The following ZNF521 variants were observed in gnomAD, a reference collection of about 807,000 sequenced individuals.
ZNF521 encodes zinc finger protein 521.
A neutral mutation model predicts 105.5 loss-of-function variants in ZNF521; 14 were observed. That is an observed-to-expected ratio of 0.13 (90% CI 0.09 to 0.21). ZNF521 has a LOEUF of 0.21. ZNF521 is among the 10% of genes least tolerant of loss of function. The probability of loss-of-function intolerance (pLI) is 1.00; values close to 1 mark genes in which losing one functional copy is unlikely to be tolerated. For synonymous variants in ZNF521, 635 were observed against 606.0 expected (o/e 1.05, Z -0.70); for missense variants, 1,233 against 1,629.7 (o/e 0.76, Z 4.19).
intron 2 of ZNF521, among the ~76,000 whole-genome samples, chr18:25,329,433 G>A (rs758206428): frequency 1.4e-4 from 21 of 152,198 alleles, no homozygotes; most frequent in South Asian, 4.1e-4. Flanking sequence ...ATCGGGGCAG[G>A]GAAATTTTAT....
chr18:25,217,231 A>C (rs775616893), intron 4 of ZNF521, among the ~76,000 whole-genome samples: 19 of 152,206 alleles, frequency 1.2e-4, no homozygotes, highest in Non-Finnish European at 8.8e-5. Context: ...AGTAGGCAGA[A>C]GATGAAGGAG....
intron 7 of ZNF521, among the ~76,000 whole-genome samples, chr18:25,074,128 G>C (rs989273030): frequency 2.8e-4 from 42 of 152,160 alleles, no homozygotes; most frequent in African/African-American, 1.0e-3. Flanking sequence ...CCATTTCCAC[G>C]CCTAAGCGAG....
chr18:25,188,199 T>C (rs2144613994), intron 5 of ZNF521, among the ~76,000 whole-genome samples: 2 of 152,254 alleles, frequency 1.3e-5, no homozygotes, highest in South Asian at 4.2e-4. Flanking sequence ...ACAGGCGCCA[T>C]CCTGAGAGCT....
At chr18:25,327,528 C>A in intron 2 of ZNF521, 1 of 731,182 alleles carries the variant, frequency 1.4e-6, no homozygotes, top group African/African-American at 1.8e-5. Context: ...TGTTCAAATC[C>A]TAATCCCTGA....
At chr18:25,176,735 A>G (rs1257578544) in intron 5 of ZNF521, among the ~76,000 whole-genome samples, 2 of 152,206 alleles carry the variant, frequency 1.3e-5, no homozygotes, top group African/African-American at 2.4e-5. Flanking sequence ...GCGTAGTGCA[A>G]CAGATTACAC....
chr18:25,102,421 C>T (rs1427641344), intron 5 of ZNF521, among the ~76,000 whole-genome samples: 2 of 151,776 alleles, frequency 1.3e-5, no homozygotes, highest in South Asian at 4.2e-4. Flanking sequence ...GTACATTTGG[C>T]TGAACACTGG....
At chr18:25,280,393 A>G (rs151316622) in intron 3 of ZNF521, among the ~76,000 whole-genome samples, 76 of 152,084 alleles carry the variant, frequency 5.0e-4, no homozygotes, top group African/African-American at 1.8e-3. Flanking sequence ...TTTGGTTTTC[A>G]TCAGGATTGG....
chr18:25,133,958 G>A (rs2034686192), intron 5 of ZNF521, among the ~76,000 whole-genome samples: 1 of 152,086 alleles, frequency 6.6e-6, no homozygotes, highest in Admixed American at 6.6e-5. Context: ...AATTTTAACA[G>A]GAACAGATCC....
At chr18:25,321,797 T>C (rs1912945528) in intron 3 of ZNF521, among the ~76,000 whole-genome samples, 1 of 152,226 alleles carries the variant, frequency 6.6e-6, no homozygotes, top group African/African-American at 2.4e-5. Context: ...GCTATTGACA[T>C]TTAGGTGCAT....
At chr18:25,119,153 C>T (rs1242129432) in intron 5 of ZNF521, among the ~76,000 whole-genome samples, 1 of 151,982 alleles carries the variant, frequency 6.6e-6, no homozygotes, top group Non-Finnish European at 1.5e-5. Flanking sequence ...ATAATCTTAA[C>T]AATTATGGAT....
intron 7 of ZNF521, among the ~76,000 whole-genome samples, chr18:25,069,988 C>T (rs891566374): frequency 1.3e-5 from 2 of 152,142 alleles, no homozygotes; most frequent in Non-Finnish European, 2.9e-5. Context: ...AACACTGATG[C>T]ATTTTCTTTT....
chr18:25,334,681 T>C (rs1349958777), intron 2 of ZNF521, among the ~76,000 whole-genome samples: 2 of 152,190 alleles, frequency 1.3e-5, no homozygotes, highest in Non-Finnish European at 2.9e-5. Flanking sequence ...ACAATTCCTC[T>C]TAGGCTTTCT....
rs553401367 is a variant in ZNF521, at chr18:25,226,728, G to C, written c.1190C>G (p.Ser397Trp). 1 of 1,614,054 alleles carries C rather than the reference G, an allele frequency of 6.2e-7. No homozygotes were observed. Among genetic ancestry groups the C allele is most frequent in the Non-Finnish European group, 8.5e-7 (1 of 1,180,028 alleles). ...AQQTPDMTGP[S>W]SKQAKVTYSC... ...GTAGGTAACTTTTGCTTGTTTACTC[G>C]AGGGACCAGTCATGTCAGGGGTTTG... The change falls in exon 4 of 8, where the codon TCG (serine) becomes TGG (tryptophan). Residue 397 changes from serine to tryptophan, a missense_variant. Ser to Trp is a radical substitution (Grantham distance 177). Around this residue, in one of 6 missense-constraint regions of ZNF521, gnomAD observed 380 missense variants for 478.0 expected, o/e 0.80. Coordinates refer to ENST00000361524, the MANE Select transcript of ZNF521 (RefSeq NM_015461.3). This position sits in a 1 kb window ranked among gnomAD's most constrained non-coding sequence, Gnocchi z 4.1.
At chr18:25,239,081 A>G (rs1379846230) in intron 3 of ZNF521, among the ~76,000 whole-genome samples, 1 of 152,128 alleles carries the variant, frequency 6.6e-6, no homozygotes, top group Non-Finnish European at 1.5e-5. Flanking sequence ...CAAAGACCAA[A>G]TTGAATCCCA....
chr18:25,226,006 G>T lies in ZNF521; in HGVS notation c.1912C>A (p.Gln638Lys). 6.2e-7 allele frequency: 1 copy of T among 1,614,180 alleles called. No homozygotes were observed. Among genetic ancestry groups the T allele is most frequent in the Non-Finnish European group, 8.5e-7 (1 of 1,180,030 alleles). ...ARPTGEYICN[Q>K]CGAKYTSLDS... The stretch of plus-strand genomic sequence containing the variant: ...AGGGATGTGTACTTAGCACCACATT[G>T]ATTACAGATATATTCTCCAGTGGGA... Residue 638 changes from glutamine to lysine, a missense_variant, in exon 4 of 8, where the codon CAA becomes AAA. By Grantham distance (53) the Gln-to-Lys change is moderately conservative. Around this residue, in one of 6 missense-constraint regions of ZNF521, gnomAD observed 614 missense variants for 751.5 expected, o/e 0.82. Transcript: ENST00000361524. This position sits in a 1 kb window ranked among gnomAD's most constrained non-coding sequence, Gnocchi z 4.1.
intron 5 of ZNF521, among the ~76,000 whole-genome samples, chr18:25,149,451 A>T (rs765575494): frequency 2.0e-5 from 3 of 152,190 alleles, no homozygotes; most frequent in Non-Finnish European, 4.4e-5. Context: ...TGTCATAACT[A>T]TCATAGATAT....
intron 7 of ZNF521, among the ~76,000 whole-genome samples, chr18:25,063,379 C>G (rs1282835206): frequency 6.6e-6 from 1 of 152,068 alleles, no homozygotes; most frequent in Non-Finnish European, 1.5e-5. Flanking sequence ...GGCTCAGGGG[C>G]AGATTACAGT....
intron 3 of ZNF521, among the ~76,000 whole-genome samples, chr18:25,272,807 T>A (rs1268956752): frequency 6.6e-6 from 1 of 152,040 alleles, no homozygotes; most frequent in African/African-American, 2.4e-5. Context: ...AAATATCTAA[T>A]GTAGATGACG....
chr18:25,226,456 C>T lies in ZNF521; in HGVS notation c.1462G>A (p.Asp488Asn), dbSNP rs144395725. 21 of 1,613,952 alleles carry T rather than the reference C, an allele frequency of 1.3e-5. No homozygotes were observed. Among genetic ancestry groups the T allele is most frequent in the Admixed American group, 1.0e-4 (6 of 59,998 alleles). Residue 488 changes from aspartate (D) to asparagine (N), a missense_variant, in exon 4 of 8, where the codon GAC (aspartate) becomes AAC (asparagine). By Grantham distance (23) the Asp-to-Asn change is conservative. Transcript: ENST00000361524. This position sits in a 1 kb window ranked among gnomAD's most constrained non-coding sequence, Gnocchi z 4.1. Reference sequence around the variant, plus strand: ...ATGTGTTCCTGAAGAGTGTTGAGGTCGTTGACAACTTCGGAACAGAAGTTA... The same window carrying T: ...ATGTGTTCCTGAAGAGTGTTGAGGTTGTTGACAACTTCGGAACAGAAGTTA... ...QCNFCSEVVN[D>N]LNTLQEHIRC...
Sources: allele counts gnomAD v4.1 joint callset (sites outside exome capture counted in the v4.1 genomes callset), GRCh38; gene constraint gnomAD v4.1.1; regional missense constraint gnomAD v4.1.1; non-coding constraint Gnocchi (gnomAD v3.1); transcripts MANE v1.5; gene names NCBI Gene and HGNC (gene_info 2026-07-23, HGNC 2026-07-21).